The following LRRC37A2 variants were observed in gnomAD, a reference collection of about 807,000 sequenced individuals.
The protein encoded by LRRC37A2 is leucine rich repeat containing 37 member A2.
LRRC37A2 carries 9 observed loss-of-function variants against 68.8 expected under a neutral mutation model. That is an observed-to-expected ratio of 0.13 (90% CI 0.08 to 0.23). The LOEUF (loss-of-function observed/expected upper bound fraction) is 0.23. Among genes scored for constraint, LRRC37A2 ranks in the 10% least tolerant of loss-of-function variants. LRRC37A2 has a pLI of 1.00. For synonymous variants in LRRC37A2, 63 were observed against 367.6 expected (o/e 0.17, Z 9.48); for missense variants, 168 against 950.4 (o/e 0.18, Z 10.82).
intron 6 of LRRC37A2, among the ~76,000 whole-genome samples, chr17:46,534,234 G>A (rs1198501695): frequency 6.8e-6 from 1 of 146,982 alleles, no homozygotes; most frequent in Non-Finnish European, 1.5e-5. Flanking sequence ...ATTCTTGGGT[G>A]TTTCTCGCAG....
chr17:46,993,074 T>TG, the LRRC37A2 span, among the ~76,000 whole-genome samples: 1 of 868 alleles, frequency 1.2e-3, no homozygotes, highest in South Asian at 0.5. Context: ...GAGATTTTGA[T>TG]TTTTTTTTTT....
chr17:46,960,779 T>C, the LRRC37A2 span, among the ~76,000 whole-genome samples: 1 of 152,216 alleles, frequency 6.6e-6, no homozygotes, highest in Admixed American at 6.5e-5. Flanking sequence ...GGTGATTCCA[T>C]TTATTTGAAA....
the LRRC37A2 span, among the ~76,000 whole-genome samples, chr17:47,006,455 T>C: frequency 6.6e-6 from 1 of 151,960 alleles, no homozygotes; most frequent in African/African-American, 2.4e-5. Context: ...CCACTAAAAA[T>C]ACAAAAATTA....
At chr17:46,548,818 G>C (rs2056476271) in exon 10 of LRRC37A2, 1 of 1,612,084 alleles carries the variant, frequency 6.2e-7, no homozygotes, top group African/African-American at 1.4e-5. Flanking sequence ...TGAGAAGTTA[G>C]CGGGAAACGC....
the LRRC37A2 span, among the ~76,000 whole-genome samples, chr17:46,825,351 T>G: frequency 6.6e-6 from 1 of 152,216 alleles, no homozygotes; most frequent in Non-Finnish European, 1.5e-5. Flanking sequence ...ATCTTTGGTC[T>G]CTTCTGTCTC....
the LRRC37A2 span, chr17:47,018,933 C>G: frequency 6.6e-7 from 1 of 1,519,676 alleles, no homozygotes; most frequent in African/African-American, 1.4e-5. Context: ...AGTTGTACCC[C>G]AACTTCGAAT....
the LRRC37A2 span, among the ~76,000 whole-genome samples, chr17:47,013,348 A>G: frequency 0.019 from 2,889 of 152,382 alleles, 71 homozygotes; most frequent in African/African-American, 0.061. Flanking sequence ...ATTCTATGAT[A>G]CATGAATTAT....
chr17:46,816,569 A>C, the LRRC37A2 span, among the ~76,000 whole-genome samples: 4 of 151,484 alleles, frequency 2.6e-5, no homozygotes, highest in African/African-American at 9.7e-5. Flanking sequence ...CAAATTCCCA[A>C]ACAAGCCATG....
At chr17:46,392,358 C>T in the LRRC37A2 span, among the ~76,000 whole-genome samples, 1 of 71,468 alleles carries the variant, frequency 1.4e-5, no homozygotes, top group East Asian at 3.0e-4. Flanking sequence ...CTGATTTGTG[C>T]CACCAAGCCA....
chr17:46,492,689 GTTTTTTT>G, the LRRC37A2 span, among the ~76,000 whole-genome samples: 40 of 107,810 alleles, frequency 3.7e-4, no homozygotes, highest in African/African-American at 1.6e-3. Flanking sequence ...GTTTTGTTTT[GTTTTTTT>G]TTTTTTTTTT....
At chr17:46,749,975 A>G in the LRRC37A2 span, 30 of 1,513,862 alleles carry the variant, frequency 2.0e-5, no homozygotes, top group Non-Finnish European at 2.7e-5. Flanking sequence ...AAGTAGTACC[A>G]CATTATACCT....
the LRRC37A2 span, chr17:46,936,624 T>C: frequency 1.0e-6 from 1 of 985,298 alleles, no homozygotes; most frequent in South Asian, 4.7e-5. Context: ...CTGGGGCCAA[T>C]TTGTGGCTGA....
chr17:46,784,216 A>G, the LRRC37A2 span, among the ~76,000 whole-genome samples: 1 of 152,186 alleles, frequency 6.6e-6, no homozygotes, highest in African/African-American at 2.4e-5. Flanking sequence ...GGAGGAAAGT[A>G]TGGCCAAAGT....
At chr17:46,872,777 GGGA>G in the LRRC37A2 span, 2 of 1,597,146 alleles carry the variant, frequency 1.3e-6, no homozygotes, top group Non-Finnish European at 1.7e-6. Flanking sequence ...AAGAGAGGTG[GGGA>G]GGAGGGCTAG....
At chr17:46,851,732 C>T in the LRRC37A2 span, 17 of 1,252,650 alleles carry the variant, frequency 1.4e-5, no homozygotes, top group Non-Finnish European at 1.7e-5. This position sits in a 1 kb window ranked among gnomAD's most constrained non-coding sequence, Gnocchi z 4.3. Flanking sequence ...GCCCGCCGCG[C>T]CCCCCGCCCG....
the LRRC37A2 span, among the ~76,000 whole-genome samples, chr17:46,879,721 T>C: frequency 6.6e-6 from 1 of 152,230 alleles, no homozygotes; most frequent in Non-Finnish European, 1.5e-5. Flanking sequence ...TGACCTGCTC[T>C]GAGCCCAGGA....
the LRRC37A2 span, among the ~76,000 whole-genome samples, chr17:46,475,812 G>GA: frequency 3.5e-3 from 258 of 72,804 alleles, 21 homozygotes; most frequent in Middle Eastern, 0.015. Context: ...GACTTCTGGG[G>GA]AAAAAAAAAA....
At chr17:46,775,911 C>T in the LRRC37A2 span, among the ~76,000 whole-genome samples, 7 of 152,182 alleles carry the variant, frequency 4.6e-5, no homozygotes, top group African/African-American at 1.7e-4. Context: ...CCACGCCCGG[C>T]CCAGAAGTTC....
chr17:46,890,749 C>T, the LRRC37A2 span, among the ~76,000 whole-genome samples: 5 of 152,306 alleles, frequency 3.3e-5, no homozygotes, highest in East Asian at 9.7e-4. Flanking sequence ...AGGATCTCAC[C>T]AGCCATGGGG....
Sources: allele counts gnomAD v4.1 joint callset (sites outside exome capture counted in the v4.1 genomes callset), GRCh38; gene constraint gnomAD v4.1.1; non-coding constraint Gnocchi (gnomAD v3.1); transcripts MANE v1.5; gene names NCBI Gene and HGNC (gene_info 2026-07-23, HGNC 2026-07-21).